The following DACH1 variants were observed in gnomAD, a reference collection of about 807,000 sequenced individuals.
DACH1 encodes the protein dachshund homolog 1.
A neutral mutation model predicts 54.2 loss-of-function variants in DACH1; 12 were observed. The ratio of observed to expected loss-of-function variants is 0.22; its 90% CI spans 0.14 to 0.36. The LOEUF is 0.36. DACH1 is among the 10% of genes least tolerant of loss of function. The pLI, the probability that DACH1 is intolerant of heterozygous loss-of-function variation, is 1.00. For synonymous variants in DACH1, 386 were observed against 366.2 expected, an observed-to-expected ratio of 1.05 and a Z score of -0.62; for missense variants, 805 against 929.8, an observed-to-expected ratio of 0.87 and a Z score of 1.75.
chr13:71,687,363 C>G (rs1185242007), intron 1 of DACH1, among the ~76,000 whole-genome samples: 2 of 151,866 alleles, frequency 1.3e-5, no homozygotes, highest in Non-Finnish European at 2.9e-5. Context: ...TGGTAACATA[C>G]AGGAATGCTT....
chr13:71,512,016 A>G (rs528776194), intron 6 of DACH1, among the ~76,000 whole-genome samples: 1 of 151,964 alleles, frequency 6.6e-6, no homozygotes, highest in Non-Finnish European at 1.5e-5. Flanking sequence ...CTATACCAGA[A>G]AGTGTGTCTT....
intron 2 of DACH1, among the ~76,000 whole-genome samples, chr13:71,654,516 AAATAC>A (rs1325493793): frequency 2.0e-4 from 29 of 147,684 alleles, no homozygotes; most frequent in African/African-American, 7.2e-4. Flanking sequence ...AAATAAAATA[AAATAC>A]AACTAATAAA....
intron 1 of DACH1, among the ~76,000 whole-genome samples, chr13:71,738,557 A>AC (rs1344239838): frequency 6.6e-6 from 1 of 150,766 alleles, no homozygotes; most frequent in East Asian, 2.0e-4. Flanking sequence ...TTATGGTGAA[A>AC]CCCCATCTCT....
intron 1 of DACH1, among the ~76,000 whole-genome samples, chr13:71,821,270 TACTC>T (rs1230997235): frequency 2.6e-5 from 4 of 152,096 alleles, no homozygotes; most frequent in Non-Finnish European, 5.9e-5. Context: ...AAAAATGACT[TACTC>T]TATCCACTTC....
chr13:71,510,930 T>TA lies in DACH1; in HGVS notation c.1571-21783dup, dbSNP rs951815492. ...TAGAATTATTATCTCCTTTTCATCA[T>TA]AAAAAAACCTGAACCTTAAAGAGAT... On this transcript the variant is annotated intron_variant, in intron 6 of 10. Coordinates refer to ENST00000613252, the MANE Select transcript of DACH1 (RefSeq NM_080759.6). 3.9e-5 allele frequency among the ~76,000 whole-genome samples: 6 copies of TA among 152,142 alleles called. No individual in the cohort carries two copies. The East Asian group carries it at 1.2e-3, about 29-fold the overall frequency.
At chr13:71,665,705 T>G (rs1351098056) in intron 2 of DACH1, among the ~76,000 whole-genome samples, 19 of 152,076 alleles carry the variant, frequency 1.2e-4, no homozygotes, top group Admixed American at 1.2e-3. Context: ...CATCTAACAA[T>G]TTTTTATCAA....
intron 1 of DACH1, among the ~76,000 whole-genome samples, chr13:71,777,025 C>T (rs1310358839): frequency 6.6e-6 from 1 of 152,248 alleles, no homozygotes; most frequent in East Asian, 1.9e-4. Context: ...CTGTCTTATC[C>T]CAAATTATGC....
chr13:71,448,206 C>A (rs1461599671), intron 10 of DACH1, among the ~76,000 whole-genome samples: 2 of 152,174 alleles, frequency 1.3e-5, no homozygotes, highest in Non-Finnish European at 2.9e-5. Flanking sequence ...CCTCACTCTT[C>A]CAGAGCTGAG....
chr13:71,667,926 T>C lies in DACH1; in HGVS notation c.964+13869A>G, dbSNP rs535715954. Reference sequence around the variant, plus strand: ...CCATGGAATCCTACTTAAACATTTCTCCATAATTTAATTCCCTAAAAGAAT... The same window carrying C: ...CCATGGAATCCTACTTAAACATTTCCCCATAATTTAATTCCCTAAAAGAAT... On this transcript the variant is annotated intron_variant, in intron 2 of 10. Transcript: ENST00000613252. 2.6e-5 allele frequency among the ~76,000 whole-genome samples: 4 copies of C among 152,170 alleles called. No homozygotes were observed. The South Asian group carries it at 8.3e-4, about 32-fold the overall frequency.
chr13:71,463,577 A>G (rs187499171), intron 10 of DACH1, among the ~76,000 whole-genome samples: 4 of 152,074 alleles, frequency 2.6e-5, no homozygotes, highest in Admixed American at 2.6e-4. Context: ...AAGGAACTCA[A>G]AGATTCTGGA....
chr13:71,703,922 T>A (rs1179847374), intron 1 of DACH1, among the ~76,000 whole-genome samples: 2 of 152,174 alleles, frequency 1.3e-5, no homozygotes, highest in Non-Finnish European at 2.9e-5. Flanking sequence ...AGACCGTCTG[T>A]CCAAGTATGG....
intron 6 of DACH1, among the ~76,000 whole-genome samples, chr13:71,500,374 C>T (rs1031272575): frequency 6.6e-6 from 1 of 152,112 alleles, no homozygotes; most frequent in African/African-American, 2.4e-5. Context: ...CTCTGCATAG[C>T]TCTAATTCAT....
At chr13:71,506,772 CTTTGATAAA>C (rs1255762664) in intron 6 of DACH1, among the ~76,000 whole-genome samples, 1 of 152,040 alleles carries the variant, frequency 6.6e-6, no homozygotes, top group East Asian at 1.9e-4. Context: ...ACTATCTGAT[CTTTGATAAA>C]CCTGAGAAAA....
At chr13:71,810,401 C>T (rs1468397475) in intron 1 of DACH1, among the ~76,000 whole-genome samples, 1 of 152,058 alleles carries the variant, frequency 6.6e-6, no homozygotes, top group African/African-American at 2.4e-5. Context: ...TAAACTTTAA[C>T]AGGAAGAATG....
At chr13:71,656,156 T>A (rs1879076782) in intron 2 of DACH1, among the ~76,000 whole-genome samples, 1 of 152,162 alleles carries the variant, frequency 6.6e-6, no homozygotes, top group Non-Finnish European at 1.5e-5. Flanking sequence ...TCCCACAAGA[T>A]ATTTAGCCAT....
At chr13:71,630,478 A>G in intron 3 of DACH1, 78 bp downstream of exon 3, 1 of 1,454,404 alleles carries the variant, frequency 6.9e-7, no homozygotes, top group Non-Finnish European at 9.0e-7. Flanking sequence ...GGTAGCCAAC[A>G]GTTTTGTTCT....
intron 2 of DACH1, among the ~76,000 whole-genome samples, chr13:71,652,682 A>G (rs74096988): frequency 0.011 from 1,675 of 152,098 alleles, 20 homozygotes; most frequent in African/African-American, 0.034. Context: ...CCTCCGCCTC[A>G]CCTTCTAAAT....
intron 3 of DACH1, among the ~76,000 whole-genome samples, chr13:71,598,533 G>T (rs751006364): frequency 6.6e-6 from 1 of 152,092 alleles, no homozygotes; most frequent in African/African-American, 2.4e-5. Flanking sequence ...GATTACAGGC[G>T]TGAGCCACTG....
chr13:71,739,318 A>C (rs941984576), intron 1 of DACH1, among the ~76,000 whole-genome samples: 2 of 152,238 alleles, frequency 1.3e-5, no homozygotes, highest in South Asian at 4.1e-4. Flanking sequence ...GGTTCGAGGC[A>C]CCAACAATAT....
Sources: allele counts gnomAD v4.1 joint callset (sites outside exome capture counted in the v4.1 genomes callset), GRCh38; gene constraint gnomAD v4.1.1; transcripts MANE v1.5; gene names NCBI Gene and HGNC (gene_info 2026-07-23, HGNC 2026-07-21).